Variants in ZC3H7A observed in about 807,000 individuals in gnomAD.
ZC3H7A encodes zinc finger CCCH domain-containing protein 7A.
ZC3H7A carries 44 observed loss-of-function variants against 125.5 expected under a neutral mutation model. The ratio of observed to expected loss-of-function variants is 0.35; its 90% confidence interval spans 0.28 to 0.45. The LOEUF (loss-of-function observed/expected upper bound fraction) is 0.45. ZC3H7A is among the 20% of genes least tolerant of loss of function. The pLI is 1.00. For synonymous variants in ZC3H7A, 399 were observed against 391.2 expected (o/e 1.02, Z -0.23); for missense variants, 977 against 1,170.7 (o/e 0.83, Z 2.41).
chr16:11,783,152 C>G (rs1414499973), intron 1 of ZC3H7A: 1 of 152,190 alleles, frequency 6.6e-6, no homozygotes, highest in Non-Finnish European at 1.5e-5. Flanking sequence ...CCGAGGGAGT[C>G]TGACTTCCTT....
intron 21 of ZC3H7A, 29 bp downstream of exon 21, chr16:11,756,208 A>G (rs778335121): frequency 3.8e-6 from 6 of 1,589,596 alleles, no homozygotes; most frequent in Non-Finnish European, 5.1e-6. Flanking sequence ...GGCTCGGCAA[A>G]GAGAGGGTAA....
chr16:11,788,542 C>A (rs1273363859), intron 1 of ZC3H7A, among the ~76,000 whole-genome samples: 1 of 152,170 alleles, frequency 6.6e-6, no homozygotes, highest in Non-Finnish European at 1.5e-5. Flanking sequence ...CGTTTGCCCT[C>A]CTGGAGGGCC....
intron 1 of ZC3H7A, among the ~76,000 whole-genome samples, chr16:11,786,849 A>C (rs1179883024): frequency 2.0e-5 from 3 of 152,190 alleles, no homozygotes; most frequent in Admixed American, 6.5e-5. Context: ...ATCTTTATCT[A>C]TCTGCTCATC....
At chr16:11,767,368 A>G (rs1352305741) in intron 13 of ZC3H7A, 49 bp downstream of exon 13, 8 of 1,314,274 alleles carry the variant, frequency 6.1e-6, no homozygotes, top group Non-Finnish European at 8.3e-6. Context: ...GCATGACTGT[A>G]GTTCATCACT....
At chr16:11,763,336 T>C in intron 16 of ZC3H7A, 142 bp downstream of exon 16, 2 of 745,868 alleles carry the variant, frequency 2.7e-6, no homozygotes, top group Admixed American at 2.9e-5. Context: ...CTTGAACTCC[T>C]GACCTCAAGT....
Position 11,751,172 on chromosome 16 carries a change from C to T in ZC3H7A, c.*145G>A. On this transcript the variant is annotated 3_prime_UTR_variant, in exon 23 of 23. Transcript: ENST00000355758. The stretch of plus-strand genomic sequence containing the variant: ...CAGGCCTGTGAAACAGCCCATTTTC[C>T]TACCTACTGTGGGTTGCTGCTCAGG... 1 of 820,622 alleles carries T rather than the reference C, an allele frequency of 1.2e-6. No individual in the cohort carries two copies. Among genetic ancestry groups the T allele is most frequent in the Non-Finnish European group, 1.8e-6 (1 of 549,184 alleles). 50.8% of individuals were successfully genotyped at this position (820,622 alleles called of 1,614,324 possible).
At position 11,766,315 on chromosome 16, in the gene ZC3H7A, A is replaced by C. The variant is rs560296982; in HGVS notation, c.1523-630T>G. Among the ~76,000 whole-genome samples, 4 of 152,354 alleles carry C rather than the reference A, an allele frequency of 2.6e-5. No individual in the cohort carries two copies. The East Asian group carries it at 7.7e-4, about 29-fold the overall frequency. On this transcript the variant is annotated intron_variant, in intron 13 of 22. Coordinates refer to ENST00000355758, the MANE Select transcript of ZC3H7A (RefSeq NM_014153.4). Reference sequence around the variant, plus strand: ...CGTGGTGGCTCACACCTGTAATCCCAACATTTTGGGAGGCCGAGGCAGGCA... The same window carrying C: ...CGTGGTGGCTCACACCTGTAATCCCCACATTTTGGGAGGCCGAGGCAGGCA...
rs754477348 is a variant in ZC3H7A at position 11,770,956 on chromosome 16, G to A, written c.935C>T (p.Thr312Ile). Residue 312 changes from threonine to isoleucine, a missense_variant, in exon 10 of 23, where the codon ACA (threonine) becomes ATA (isoleucine). This residue lies in a region of ZC3H7A where 342 missense variants were observed against 311.3 expected (regional missense o/e 1.10). Transcript: ENST00000355758. The part of the protein sequence containing the change: ...PSALVRGPLQ[T>I]ASVSPSMPFS... ...GGGCATGCTAGGAGAGACACTGGCT[G>A]TCTGAAGGGGTCCTCTGACTAAAGC... The A allele has an allele frequency of 2.5e-6, 4 of 1,611,818 alleles. No individual in the cohort carries two copies. Among genetic ancestry groups the A allele is most frequent in the Non-Finnish European group, 1.7e-6 (2 of 1,179,228 alleles).
Sources: allele counts gnomAD v4.1 joint callset (sites outside exome capture counted in the v4.1 genomes callset), GRCh38; gene constraint gnomAD v4.1.1; regional missense constraint gnomAD v4.1.1; transcripts MANE v1.5; gene names NCBI Gene and HGNC (gene_info 2026-07-23, HGNC 2026-07-21).